HPSE2: variants seen among roughly 807,000 people sequenced by gnomAD.
HPSE2 encodes the protein heparanase 2 (inactive).
A neutral mutation model predicts 60.5 loss-of-function variants in HPSE2; 38 were observed. That is an observed-to-expected ratio of 0.63 (90% CI 0.48 to 0.82). The LOEUF (loss-of-function observed/expected upper bound fraction) is 0.82, where lower values mean the gene tolerates loss of function less well. Among genes scored for constraint, HPSE2 ranks in the 40% least tolerant of loss-of-function variants. HPSE2 has a pLI of 0.00. For synonymous variants in HPSE2, 295 were observed against 293.2 expected (o/e 1.01, Z -0.06); for missense variants, 713 against 740.4 (o/e 0.96, Z 0.43).
chr10:98,747,156 A>C (rs1949649666), intron 3 of HPSE2, among the ~76,000 whole-genome samples: 1 of 152,138 alleles, frequency 6.6e-6, no homozygotes, highest in Non-Finnish European at 1.5e-5. Flanking sequence ...TGAAAGTTAT[A>C]TTATCATAAA....
At chr10:99,153,499 C>G (rs1472708924) in intron 2 of HPSE2, among the ~76,000 whole-genome samples, 1 of 152,066 alleles carries the variant, frequency 6.6e-6, no homozygotes, top group Non-Finnish European at 1.5e-5. Context: ...CACACTGACA[C>G]CTCACACGGC....
chr10:99,075,821 G>A (rs1311994239), intron 3 of HPSE2, among the ~76,000 whole-genome samples: 1 of 151,698 alleles, frequency 6.6e-6, no homozygotes, highest in Non-Finnish European at 1.5e-5. Flanking sequence ...AGTCTATTTT[G>A]TCTTATATAG....
At chr10:99,077,102 T>TA (rs1842973535) in intron 3 of HPSE2, among the ~76,000 whole-genome samples, 2 of 152,208 alleles carry the variant, frequency 1.3e-5, no homozygotes, top group Non-Finnish European at 1.5e-5. Flanking sequence ...TTCTTGTATA[T>TA]GACAAATTGT....
intron 4 of HPSE2, among the ~76,000 whole-genome samples, chr10:98,739,928 G>A (rs1040977119): frequency 2.6e-5 from 4 of 151,986 alleles, no homozygotes; most frequent in African/African-American, 9.7e-5. Flanking sequence ...AATGGAGTTG[G>A]ACTAGAATTT....
intron 9 of HPSE2, among the ~76,000 whole-genome samples, chr10:98,600,133 T>C (rs1945356466): frequency 6.6e-6 from 1 of 152,198 alleles, no homozygotes; most frequent in African/African-American, 2.4e-5. Flanking sequence ...TATGGATGTT[T>C]ACTGCTTGCA....
chr10:98,713,108 T>C lies in HPSE2; in HGVS notation c.956+8549A>G, dbSNP rs1039234350. Among the ~76,000 whole-genome samples the C allele has an allele frequency of 3.3e-5, 5 of 152,104 alleles. No homozygotes were observed. The South Asian group carries it at 1.0e-3, about 32-fold the overall frequency. ...ATGTGGGGAGGAGACTGCTCTAGCA[T>C]GGTACTAGCTTAGCACATAACCAGG... On this transcript the variant is annotated intron_variant, in intron 5 of 11. Transcript: ENST00000370552.
rs540562752 is a variant in HPSE2 at position 98,905,149 on chromosome 10, C to A, written c.611-161093G>T. ...CTATATACTTTTATACGATTACTAA[C>A]AAGTACTTCTTCTTTTTTTTTTTAT... On this transcript the variant is annotated intron_variant, in intron 3 of 11. Transcript: ENST00000370552. Among the ~76,000 whole-genome samples, 130 of 152,120 alleles carry A rather than the reference C, an allele frequency of 8.5e-4. 1 individual carries two copies. The highest frequency in any genetic ancestry group is 3.0e-3 in the African/African-American group (123 of 41,514).
At chr10:98,833,222 G>A (rs1332912699) in intron 3 of HPSE2, among the ~76,000 whole-genome samples, 1 of 152,046 alleles carries the variant, frequency 6.6e-6, no homozygotes, top group African/African-American at 2.4e-5. Context: ...GATTCCTTGG[G>A]GAAGAAGCAA....
At chr10:98,528,028 G>C (rs1943022540) in intron 9 of HPSE2, among the ~76,000 whole-genome samples, 1 of 152,162 alleles carries the variant, frequency 6.6e-6, no homozygotes, top group Non-Finnish European at 1.5e-5. Context: ...GGTGTTCTCT[G>C]AACCTTCTAT....
At chr10:98,819,632 G>T (rs1951377247) in intron 3 of HPSE2, among the ~76,000 whole-genome samples, 1 of 152,010 alleles carries the variant, frequency 6.6e-6, no homozygotes, top group African/African-American at 2.4e-5. Context: ...TAATGAAAAT[G>T]TTGACAGTTT....
chr10:98,485,864 C>T (rs1941421447), intron 10 of HPSE2, among the ~76,000 whole-genome samples: 2 of 150,806 alleles, frequency 1.3e-5, no homozygotes. Context: ...AGAGCTGGGG[C>T]AGAATGAGCC....
intron 9 of HPSE2, among the ~76,000 whole-genome samples, chr10:98,538,756 G>C (rs1943367847): frequency 6.6e-6 from 1 of 152,072 alleles, no homozygotes; most frequent in Non-Finnish European, 1.5e-5. Context: ...TTTTGATTTT[G>C]CATCAGCATT....
At chr10:99,122,046 T>C (rs1844974884) in intron 3 of HPSE2, among the ~76,000 whole-genome samples, 1 of 152,118 alleles carries the variant, frequency 6.6e-6, no homozygotes, top group Non-Finnish European at 1.5e-5. Flanking sequence ...TTACTGGATT[T>C]ATATAAAATT....
intron 2 of HPSE2, among the ~76,000 whole-genome samples, chr10:99,164,890 C>T (rs759873370): frequency 8.6e-5 from 13 of 150,986 alleles, no homozygotes; most frequent in Non-Finnish European, 1.6e-4. Context: ...TTGAGACCAT[C>T]CTGGCTAACA....
chr10:98,728,691 T>G (rs533015564), intron 4 of HPSE2, among the ~76,000 whole-genome samples: 1 of 152,064 alleles, frequency 6.6e-6, no homozygotes, highest in African/African-American at 2.4e-5. Context: ...TTAAGATGTA[T>G]TGTGATAAGA....
At chr10:99,255,086 G>A in the HPSE2 span, among the ~76,000 whole-genome samples, 1 of 152,046 alleles carries the variant, frequency 6.6e-6, no homozygotes, top group African/African-American at 2.4e-5. Flanking sequence ...ATCTCAATAA[G>A]GCTCTTAAAA....
At chr10:98,801,024 G>T (rs1331930385) in intron 3 of HPSE2, among the ~76,000 whole-genome samples, 6 of 152,106 alleles carry the variant, frequency 3.9e-5, no homozygotes, top group Non-Finnish European at 7.4e-5. Flanking sequence ...GACCAAGTGA[G>T]ATTTATCCCA....
At chr10:98,985,274 C>G (rs1956313399) in intron 3 of HPSE2, among the ~76,000 whole-genome samples, 1 of 152,204 alleles carries the variant, frequency 6.6e-6, no homozygotes, top group Non-Finnish European at 1.5e-5. Flanking sequence ...GGAAGTCCAT[C>G]AGACTAACAG....
chr10:98,575,888 T>C (rs1418276118), intron 9 of HPSE2, among the ~76,000 whole-genome samples: 1 of 152,192 alleles, frequency 6.6e-6, no homozygotes, highest in Non-Finnish European at 1.5e-5. Context: ...ATTCACCTGA[T>C]AAAGACAAGA....
Sources: allele counts gnomAD v4.1 joint callset (sites outside exome capture counted in the v4.1 genomes callset), GRCh38; gene constraint gnomAD v4.1.1; transcripts MANE v1.5; gene names NCBI Gene and HGNC (gene_info 2026-07-23, HGNC 2026-07-21).